Variants in PEX5L observed in about 807,000 individuals in gnomAD.
The protein encoded by PEX5L is peroxisomal biogenesis factor 5 like.
Under a neutral mutation model 84.0 loss-of-function variants are expected in PEX5L, and 30 were observed. The ratio of observed to expected loss-of-function variants is 0.36; its 90% confidence interval spans 0.27 to 0.48. The LOEUF (loss-of-function observed/expected upper bound fraction) is 0.48, where lower values mean the gene tolerates loss of function less well. Ranked by LOEUF, PEX5L falls within the 20% of genes least tolerant of loss-of-function variation. The pLI is 0.99. For missense variants in PEX5L, 533 were observed against 754.6 expected (o/e 0.71, Z 3.44); for synonymous variants, 270 against 283.1 (o/e 0.95, Z 0.46).
At chr3:179,868,639 G>A (rs1372306832) in intron 7 of PEX5L, among the ~76,000 whole-genome samples, 1 of 152,064 alleles carries the variant, frequency 6.6e-6, no homozygotes, top group Non-Finnish European at 1.5e-5. Flanking sequence ...CCCAGATCTA[G>A]GAAAGATTAA....
intron 2 of PEX5L, chr3:179,900,821 C>G: frequency 1.2e-6 from 1 of 810,390 alleles, no homozygotes; most frequent in East Asian, 2.7e-5. Context: ...GATAATACCC[C>G]ATGAGCGTCA....
At chr3:179,944,127 A>T (rs1314901193) in intron 2 of PEX5L, among the ~76,000 whole-genome samples, 1 of 152,226 alleles carries the variant, frequency 6.6e-6, no homozygotes, top group East Asian at 1.9e-4. Context: ...CGGGTAGTTC[A>T]TCAGGAGCCA....
intron 7 of PEX5L, among the ~76,000 whole-genome samples, chr3:179,860,965 T>TG (rs1454289907): frequency 6.6e-6 from 1 of 152,162 alleles, no homozygotes; most frequent in Non-Finnish European, 1.5e-5. Flanking sequence ...AGGCTGCCCC[T>TG]GGGGGGCCGT....
intron 2 of PEX5L, among the ~76,000 whole-genome samples, chr3:179,927,082 T>A (rs1771677315): frequency 1.3e-5 from 2 of 152,270 alleles, no homozygotes; most frequent in Admixed American, 1.3e-4. Flanking sequence ...AAATTATTTT[T>A]AATTATCTAT....
At chr3:179,951,350 T>C (rs1441594233) in intron 2 of PEX5L, among the ~76,000 whole-genome samples, 1 of 151,760 alleles carries the variant, frequency 6.6e-6, no homozygotes, top group Non-Finnish European at 1.5e-5. Flanking sequence ...GCAGAATAAA[T>C]GAGTCTATTT....
At chr3:179,834,103 G>C (rs1382958985) in intron 8 of PEX5L, among the ~76,000 whole-genome samples, 1 of 152,204 alleles carries the variant, frequency 6.6e-6, no homozygotes, top group African/African-American at 2.4e-5. Flanking sequence ...GCTTCCCAAA[G>C]TGTTAGGATT....
At position 179,996,254 on chromosome 3, in the gene PEX5L, A is replaced by G. The variant is rs13327771; in HGVS notation, c.22-24589T>C. 9.0e-3 allele frequency among the ~76,000 whole-genome samples: 1,369 copies of G among 152,270 alleles called. 19 individuals are homozygous for G. Among genetic ancestry groups the G allele is most frequent in the African/African-American group, 0.031 (1,306 of 41,548 alleles). On this transcript the variant is annotated intron_variant, in intron 1 of 14. Coordinates refer to ENST00000467460, the MANE Select transcript of PEX5L (RefSeq NM_016559.3). ...GAGCTGCTTGAGTTTTCTAATTTAT[A>G]TATGCAGAAATCTGGAGAGCAGGCA...
chr3:179,918,758 TTC>T lies in PEX5L; in HGVS notation c.94-20514_94-20513del. Among the ~76,000 whole-genome samples, 3 of 152,352 alleles carry T rather than the reference TTC, an allele frequency of 2.0e-5. 1 individual carries two copies. The South Asian group carries it at 6.2e-4, about 32-fold the overall frequency. ...TTTCTTCTTCTTTCTTCTTTTTTTC[TTC>T]TTTCTCCCTCATCTCTCCCTCATCT... On this transcript the variant is annotated intron_variant, in intron 2 of 14. Coordinates refer to ENST00000467460, the MANE Select transcript of PEX5L (RefSeq NM_016559.3).
chr3:179,911,051 C>T (rs1764995819), intron 2 of PEX5L, among the ~76,000 whole-genome samples: 1 of 152,244 alleles, frequency 6.6e-6, no homozygotes, highest in Admixed American at 6.5e-5. Flanking sequence ...GGAGTACAAC[C>T]AGGTAGCGCA....
rs565917717 is a variant in PEX5L at position 179,798,478 on chromosome 3, G to C, written c.*3350C>G. 1.9e-4 allele frequency: 29 copies of C among 152,340 alleles called. No homozygotes were observed. Among genetic ancestry groups the C allele is most frequent in the African/African-American group, 7.0e-4 (29 of 41,570 alleles). The allele number at this position is 152,340 out of a possible 1,614,324, so 9.4% of individuals were successfully genotyped here. A position where few individuals can be genotyped will look rare whatever the true frequency, so the allele number is the denominator to read the frequency against. On this transcript the variant is annotated 3_prime_UTR_variant, in exon 15 of 15. Coordinates refer to ENST00000467460, the MANE Select transcript of PEX5L (RefSeq NM_016559.3). Reference sequence around the variant, plus strand: ...CAGGAAGGTACAACAGCATGTAGAAGTAGCCTACTAGAAATGGTTATATTT... The same window carrying C: ...CAGGAAGGTACAACAGCATGTAGAACTAGCCTACTAGAAATGGTTATATTT...
intron 2 of PEX5L, among the ~76,000 whole-genome samples, chr3:179,970,976 G>A (rs1268731733): frequency 1.4e-4 from 22 of 152,078 alleles, no homozygotes; most frequent in Non-Finnish European, 4.4e-5. Flanking sequence ...CCATTACCTG[G>A]TATGTCATTG....
At chr3:179,857,175 T>C (rs1257461055) in intron 8 of PEX5L, among the ~76,000 whole-genome samples, 3 of 152,192 alleles carry the variant, frequency 2.0e-5, no homozygotes, top group Non-Finnish European at 2.9e-5. Context: ...TAGGTAGTTA[T>C]ATAACTTTAG....
intron 10 of PEX5L, among the ~76,000 whole-genome samples, chr3:179,812,144 C>T (rs1017739889): frequency 1.3e-5 from 2 of 151,954 alleles, no homozygotes; most frequent in Non-Finnish European, 2.9e-5. Context: ...TCTGAGATTT[C>T]GTTATATTAG....
intron 7 of PEX5L, among the ~76,000 whole-genome samples, chr3:179,874,013 ATAGAG>A (rs1477382017): frequency 6.6e-6 from 1 of 152,210 alleles, no homozygotes; most frequent in Non-Finnish European, 1.5e-5. Context: ...AGTGCTAATA[ATAGAG>A]TAGAACAGAT....
At chr3:179,970,543 G>T (rs1784460572) in intron 2 of PEX5L, among the ~76,000 whole-genome samples, 1 of 152,042 alleles carries the variant, frequency 6.6e-6, no homozygotes, top group Non-Finnish European at 1.5e-5. Flanking sequence ...TCTGCACCTC[G>T]GTAGAGAGAT....
intron 1 of PEX5L, among the ~76,000 whole-genome samples, chr3:179,984,267 A>T (rs1440390585): frequency 1.3e-5 from 2 of 152,146 alleles, no homozygotes; most frequent in African/African-American, 2.4e-5. Context: ...GCAGAAGCAG[A>T]TATGATAGTC....
At position 179,936,173 on chromosome 3, in the gene PEX5L, A is replaced by G. The variant is rs1001576858; in HGVS notation, c.93+35421T>C. Reference sequence around the variant, plus strand: ...GTGTGGGTAAGAAGGAGATGGGGATAGGGTAGTGAGAGTGGTGGAGTTGAG... The same window carrying G: ...GTGTGGGTAAGAAGGAGATGGGGATGGGGTAGTGAGAGTGGTGGAGTTGAG... On this transcript the variant is annotated intron_variant, in intron 2 of 14. Coordinates refer to ENST00000467460, the MANE Select transcript of PEX5L (RefSeq NM_016559.3). 2.6e-5 allele frequency among the ~76,000 whole-genome samples: 4 copies of G among 152,212 alleles called. No individual in the cohort carries two copies. In the South Asian group the frequency reaches 8.3e-4, roughly 32 times the overall value.
chr3:179,823,132 A>G (rs530973413), intron 8 of PEX5L, among the ~76,000 whole-genome samples: 1 of 152,358 alleles, frequency 6.6e-6, no homozygotes, highest in South Asian at 2.1e-4. Context: ...GAATAAAACA[A>G]AAATCACGCA....
At chr3:179,911,538 T>A (rs1409360214) in intron 2 of PEX5L, among the ~76,000 whole-genome samples, 1 of 152,188 alleles carries the variant, frequency 6.6e-6, no homozygotes, top group Admixed American at 6.5e-5. Flanking sequence ...TTCAATACGC[T>A]CTAATAATAT....
Sources: allele counts gnomAD v4.1 joint callset (sites outside exome capture counted in the v4.1 genomes callset), GRCh38; gene constraint gnomAD v4.1.1; transcripts MANE v1.5; gene names NCBI Gene and HGNC (gene_info 2026-07-23, HGNC 2026-07-21).